HIPK3: variants seen among roughly 807,000 people sequenced by gnomAD.
The protein encoded by HIPK3 is homeodomain interacting protein kinase 3, also known as homeodomain-interacting protein kinase 3.
Under a neutral mutation model 124.2 loss-of-function variants are expected in HIPK3, and 47 were observed. That is an observed-to-expected ratio of 0.38 (90% CI 0.30 to 0.48). The LOEUF is 0.48. Among genes scored for constraint, HIPK3 ranks in the 20% least tolerant of loss-of-function variants. The pLI, the probability that HIPK3 is intolerant of heterozygous loss-of-function variation, is 0.98. For synonymous variants in HIPK3, 482 were observed against 515.2 expected (o/e 0.94, Z 0.87); for missense variants, 1,286 against 1,454.3 (o/e 0.88, Z 1.88).
rs879373218 is a variant in HIPK3, at chr11:33,353,918, A to G, written c.*350A>G. The G allele has an allele frequency of 1.2e-5, 3 of 251,174 alleles. No individual in the cohort carries two copies. The highest frequency in any genetic ancestry group is 2.3e-5 in the Non-Finnish European group (3 of 128,432). 15.6% of individuals were successfully genotyped at this position (251,174 alleles called of 1,614,324 possible). ...TACAGACTTAGAGCAACAGATGCACATATGTCAGAATTACAGCATACAAGT... is the reference window on the plus strand; with the variant it reads ...TACAGACTTAGAGCAACAGATGCACGTATGTCAGAATTACAGCATACAAGT... On this transcript the variant is annotated 3_prime_UTR_variant, in exon 17 of 17. Transcript: ENST00000303296.
In HIPK3 at chr11:33,257,534, C is replaced by T. The variant is rs1172499631; in HGVS notation, c.-358C>T. 1 of 985,570 alleles carries T rather than the reference C, an allele frequency of 1.0e-6. No individual in the cohort carries two copies. The highest frequency in any genetic ancestry group is 1.7e-5 in the African/African-American group (1 of 57,368). The allele number at this position is 985,570 out of a possible 1,614,324, so 61.1% of individuals were successfully genotyped here. A position where few individuals can be genotyped will look rare whatever the true frequency, so the allele number is the denominator to read the frequency against. On this transcript the variant is annotated 5_prime_UTR_variant, in exon 1 of 17. Coordinates refer to ENST00000303296, the MANE Select transcript of HIPK3 (RefSeq NM_005734.5). ...GCCCCAATCGCCGTGGGCCCCGCAC[C>T]CTGCGTCGCCCGTAGGCCCCAGTAG...
intron 1 of HIPK3, among the ~76,000 whole-genome samples, chr11:33,263,172 A>G (rs892379959): frequency 2.6e-5 from 4 of 151,354 alleles, no homozygotes; most frequent in Non-Finnish European, 5.9e-5. Flanking sequence ...GCCCGGCCCA[A>G]TTTCTCTAAT....
chr11:33,343,523 G>C (rs1049874479), intron 8 of HIPK3, among the ~76,000 whole-genome samples: 4 of 151,990 alleles, frequency 2.6e-5, no homozygotes, highest in Non-Finnish European at 5.9e-5. Flanking sequence ...CAAGTGATCT[G>C]CCTGCCTCAG....
intron 16 of HIPK3, 75 bp from the exon 17 acceptor site, chr11:33,353,017 A>G: frequency 1.1e-6 from 1 of 887,394 alleles, no homozygotes; most frequent in Admixed American, 2.4e-5. Context: ...GGTATATTGT[A>G]ATTTCCCTTT....
At chr11:33,327,596 T>A (rs910846560) in intron 2 of HIPK3, among the ~76,000 whole-genome samples, 2 of 152,166 alleles carry the variant, frequency 1.3e-5, no homozygotes, top group African/African-American at 4.8e-5. Context: ...GATTGTATTG[T>A]GGTTATGTAG....
chr11:33,311,910 T>TACACACACACACACACAC (rs71034671), intron 2 of HIPK3, among the ~76,000 whole-genome samples: 19 of 114,372 alleles, frequency 1.7e-4, no homozygotes, highest in South Asian at 9.8e-4. Context: ...ACCCTGTTTC[T>TACACACACACACACACAC]ACACACACAC....
At chr11:33,279,568 A>G (rs957154386) in intron 1 of HIPK3, among the ~76,000 whole-genome samples, 1 of 152,200 alleles carries the variant, frequency 6.6e-6, no homozygotes, top group African/African-American at 2.4e-5. Flanking sequence ...ATGGGTGTCA[A>G]TATTGATTAC....
chr11:33,313,652 T>C (rs1381299108), intron 2 of HIPK3, among the ~76,000 whole-genome samples: 1 of 152,038 alleles, frequency 6.6e-6, no homozygotes, highest in Non-Finnish European at 1.5e-5. Flanking sequence ...CATGATCAGT[T>C]ATAAGGAAAA....
chr11:33,258,781 T>C, intron 1 of HIPK3: 5 of 946,436 alleles, frequency 5.3e-6, no homozygotes, highest in Non-Finnish European at 6.3e-6. Context: ...ACCTTGGACT[T>C]GTTACAGAGT....
At chr11:33,337,271 G>T in intron 4 of HIPK3, 77 bp downstream of exon 4, 1 of 728,660 alleles carries the variant, frequency 1.4e-6, no homozygotes. Context: ...TACCTTCCAT[G>T]TCTATTTACA....
intron 2 of HIPK3, among the ~76,000 whole-genome samples, chr11:33,293,123 C>T (rs1290706013): frequency 6.6e-6 from 1 of 152,204 alleles, no homozygotes; most frequent in Non-Finnish European, 1.5e-5. Flanking sequence ...CACAGATAGT[C>T]GACTACATAT....
At chr11:33,350,680 A>G (rs1430279753) in intron 14 of HIPK3, among the ~76,000 whole-genome samples, 2 of 152,020 alleles carry the variant, frequency 1.3e-5, no homozygotes, top group African/African-American at 4.8e-5. Context: ...TCTCTTAGAA[A>G]GGAAGGAAGG....
intron 1 of HIPK3, among the ~76,000 whole-genome samples, chr11:33,270,007 C>A (rs777961299): frequency 6.6e-6 from 1 of 152,020 alleles, no homozygotes; most frequent in Admixed American, 6.6e-5. Context: ...AAGACAGTTT[C>A]GCTTTCGTTG....
chr11:33,287,559 C>T, intron 2 of HIPK3, 48 bp downstream of exon 2: 1 of 1,551,904 alleles, frequency 6.4e-7, no homozygotes, highest in Non-Finnish European at 8.7e-7. Flanking sequence ...TGTGAAATTT[C>T]TGCTAAATGA....
chr11:33,349,285 T>C lies in HIPK3; in HGVS notation c.2805T>C (p.Asn935=). The change falls in exon 14 of 17, where the codon AAT becomes AAC. Residue 935 remains asparagine, a splice_region_variant and synonymous_variant. Coordinates refer to ENST00000303296, the MANE Select transcript of HIPK3 (RefSeq NM_005734.5). ...QSSPSPCKRP[N]SMSDEEQESS... ...GCCCATCCCCCTGCAAGAGACCGAA[T>C]AGGTAAAAGAATCTCAATAGTAGTG... 6.2e-7 allele frequency: 1 copy of C among 1,609,386 alleles called. No individual in the cohort carries two copies. Among genetic ancestry groups the C allele is most frequent in the Non-Finnish European group, 8.5e-7 (1 of 1,178,228 alleles).
chr11:33,293,737 G>T (rs1175593924), intron 2 of HIPK3, among the ~76,000 whole-genome samples: 2 of 152,138 alleles, frequency 1.3e-5, no homozygotes, highest in Non-Finnish European at 2.9e-5. Flanking sequence ...TATGGTCCAA[G>T]ATTAAATATC....
In HIPK3 at chr11:33,337,256, GATA is replaced by G. The variant is rs1853178882; in HGVS notation, c.1341+66_1341+68del. The G allele has an allele frequency of 4.4e-6, 4 of 917,894 alleles. No homozygotes were observed. In the East Asian group the frequency reaches 1.1e-4, roughly 25 times the overall value. The allele number at this position is 917,894 out of a possible 1,614,324, so 56.9% of individuals were successfully genotyped here. A position where few individuals can be genotyped will look rare whatever the true frequency, so the allele number is the denominator to read the frequency against. ...TTTTCTAAGATGCCTCATATGCATG[GATA>G]ATACCTTCCATGTCTATTTACATTT... On this transcript the variant is annotated intron_variant, in intron 4 of 16. Coordinates refer to ENST00000303296, the MANE Select transcript of HIPK3 (RefSeq NM_005734.5).
chr11:33,340,583 C>T (rs1039023469), intron 6 of HIPK3, among the ~76,000 whole-genome samples: 2 of 152,136 alleles, frequency 1.3e-5, no homozygotes, highest in South Asian at 4.1e-4. Context: ...CTTAAAATGT[C>T]CTAATGTTTT....
intron 3 of HIPK3, among the ~76,000 whole-genome samples, chr11:33,329,561 ACT>A (rs1261623579): frequency 3.3e-5 from 5 of 151,934 alleles, no homozygotes; most frequent in South Asian, 2.1e-4. Context: ...TCCTGAGATG[ACT>A]CTGTCATTTA....
Sources: gnomAD v4.1 joint callset for allele counts (sites outside exome capture counted in the v4.1 genomes callset) on GRCh38, gnomAD v4.1.1 for gene constraint, MANE v1.5 for transcripts, NCBI Gene and HGNC (gene_info 2026-07-23, HGNC 2026-07-21) for gene names.